Variants in SEC22B observed in about 807,000 individuals in gnomAD.
SEC22B encodes vesicle-trafficking protein SEC22b.
A neutral mutation model predicts 31.4 loss-of-function variants in SEC22B; 10 were observed. The ratio of observed to expected loss-of-function variants is 0.32; its 90% CI spans 0.20 to 0.54. SEC22B has a LOEUF of 0.54. Ranked by LOEUF, SEC22B falls within the 20% of genes least tolerant of loss-of-function variation. The pLI is 0.94. For synonymous variants in SEC22B, 60 were observed against 95.9 expected, an observed-to-expected ratio of 0.63 and a Z score of 2.19; for missense variants, 130 against 263.4, an observed-to-expected ratio of 0.49 and a Z score of 3.50.
intron 2 of SEC22B, among the ~76,000 whole-genome samples, chr1:120,165,802 G>A (rs2101129927): frequency 6.6e-6 from 1 of 151,388 alleles, no homozygotes; most frequent in East Asian, 1.9e-4. Context: ...TTTTCTTCTA[G>A]TAGTTTTATA....
At position 120,163,561 on chromosome 1, in the gene SEC22B, G is replaced by A. The variant is rs1159581109; in HGVS notation, c.186-191C>T. Reference sequence around the variant, plus strand: ...GAAAGCAAACATCTTCCCATTATTAGATGTATATTCTTTTTTTTTTCTTTT... The same window carrying A: ...GAAAGCAAACATCTTCCCATTATTAAATGTATATTCTTTTTTTTTTCTTTT... On this transcript the variant is annotated intron_variant, in intron 2 of 4. Coordinates refer to ENST00000578049, the MANE Select transcript of SEC22B (RefSeq NM_004892.6). 1.7e-5 allele frequency among the ~76,000 whole-genome samples: 2 copies of A among 115,456 alleles called. 1 individual carries two copies. The highest frequency in any genetic ancestry group is 1.5e-4 in the Admixed American group (2 of 13,028). The allele number at this position is 115,456 out of a possible 152,430, so 75.7% of individuals were successfully genotyped here. A position where few individuals can be genotyped will look rare whatever the true frequency, so the allele number is the denominator to read the frequency against.
At chr1:120,163,950 T>TC (rs1431916649) in intron 2 of SEC22B, among the ~76,000 whole-genome samples, 14 of 130,486 alleles carry the variant, frequency 1.1e-4, no homozygotes, top group Admixed American at 4.3e-4. Flanking sequence ...ATTCTCTTTT[T>TC]TTTTTTTTTT....
At position 120,160,615 on chromosome 1, in the gene SEC22B, C is replaced by T. The variant is rs1380874547; in HGVS notation, c.347-85G>A. The T allele has an allele frequency of 2.5e-5, 31 of 1,240,322 alleles. No individual in the cohort carries two copies. The East Asian group carries it at 2.7e-4, about 11-fold the overall frequency. 76.8% of individuals were successfully genotyped at this position (1,240,322 alleles called of 1,614,324 possible). ...GATTAAAAGTTCTGAGTTGGCCAGG[C>T]GCGGTGGCTCACACCTGTAATCCCA... On this transcript the variant is annotated intron_variant, in intron 3 of 4. Transcript: ENST00000578049.
At chr1:120,165,746 C>G (rs1246052922) in intron 2 of SEC22B, among the ~76,000 whole-genome samples, 5 of 151,990 alleles carry the variant, frequency 3.3e-5, no homozygotes, top group African/African-American at 1.2e-4. Context: ...AAGTCTTTGC[C>G]ATAAAGTCTT....
intron 1 of SEC22B, 135 bp downstream of exon 1, chr1:120,176,172 T>C: frequency 1.4e-6 from 1 of 720,364 alleles, no homozygotes; most frequent in Non-Finnish European, 2.3e-6. Flanking sequence ...CACCAAAAGA[T>C]AAAAGCGCAC....
At position 120,170,951 on chromosome 1, in the gene SEC22B, A is replaced by AAAATTAATTTATTAAATTTAATTTAATT. The variant is rs1657886430; in HGVS notation, c.76-2030_76-2003dup. 5.6e-5 allele frequency among the ~76,000 whole-genome samples: 7 copies of AAAATTAATTTATTAAATTTAATTTAATT among 125,466 alleles called. 2 individuals carry two copies. The highest frequency in any genetic ancestry group is 2.4e-4 in the African/African-American group (5 of 21,224). The allele number at this position is 125,466 out of a possible 152,430, so 82.3% of individuals were successfully genotyped here. ...AGCATGCAAATTTCTTTAATTTAAT[A>AAAATTAATTTATTAAATTTAATTTAATT]AAATTAATTTATTAAATTTAATTTA... On this transcript the variant is annotated intron_variant, in intron 1 of 4. Coordinates refer to ENST00000578049, the MANE Select transcript of SEC22B (RefSeq NM_004892.6).
intron 2 of SEC22B, among the ~76,000 whole-genome samples, chr1:120,168,308 C>T (rs1196115958): frequency 0.22 from 32,645 of 147,488 alleles, 6,026 homozygotes; most frequent in African/African-American, 0.52. Context: ...TCAGCTGTAT[C>T]ATTTATAACC....
intron 4 of SEC22B, among the ~76,000 whole-genome samples, chr1:120,160,159 T>G (rs1474254913): frequency 6.7e-6 from 1 of 148,630 alleles, no homozygotes; most frequent in Admixed American, 6.7e-5. Context: ...GAAATAATCA[T>G]TGCTTCTAAT....
At chr1:120,165,669 C>T (rs1419934122) in intron 2 of SEC22B, among the ~76,000 whole-genome samples, 1 of 151,920 alleles carries the variant, frequency 6.6e-6, no homozygotes, top group Non-Finnish European at 1.5e-5. Context: ...GTTTCCTTTG[C>T]TGTGCAGAAG....
At chr1:120,168,780 C>G in intron 2 of SEC22B, 60 bp downstream of exon 2, 1 of 561,806 alleles carries the variant, frequency 1.8e-6, no homozygotes, top group South Asian at 6.6e-5. Context: ...TATTTTTTAT[C>G]AGGCATTCTG....
intron 3 of SEC22B, among the ~76,000 whole-genome samples, chr1:120,161,342 A>C (rs1179099816): frequency 1.3e-5 from 2 of 152,082 alleles, no homozygotes; most frequent in Admixed American, 1.3e-4. Context: ...CCATTCTTAA[A>C]CCTCAGGTAA....
intron 2 of SEC22B, among the ~76,000 whole-genome samples, chr1:120,167,708 A>G (rs1288528962): frequency 3.3e-5 from 5 of 151,972 alleles, no homozygotes; most frequent in African/African-American, 1.2e-4. Context: ...AGGACTCAAT[A>G]TAAGGTCTGG....
intron 4 of SEC22B, chr1:120,159,233 G>C (rs1197624056): frequency 1.3e-5 from 2 of 150,436 alleles, no homozygotes; most frequent in Non-Finnish European, 3.0e-5. Context: ...TTTGTGACCA[G>C]CCGGAACAAC....
rs1553228629 is a variant in SEC22B at position 120,151,009 on chromosome 1, T to G, written c.*6029A>C. 2 of 152,222 alleles carry G rather than the reference T, an allele frequency of 1.3e-5. No individual in the cohort carries two copies. The highest frequency in any genetic ancestry group is 2.9e-5 in the Non-Finnish European group (2 of 68,044). 9.4% of individuals were successfully genotyped at this position (152,222 alleles called of 1,614,324 possible). On this transcript the variant is annotated 3_prime_UTR_variant, in exon 5 of 5. Transcript: ENST00000578049. ...CAGTCTCAGTGTCAAGAGAAAGATG[T>G]TAATCCATCTTAGCAACCTAATTAC...
chr1:120,166,741 G>A (rs1657818368), intron 2 of SEC22B, among the ~76,000 whole-genome samples: 2 of 149,480 alleles, frequency 1.3e-5, no homozygotes. Context: ...GGGTGAATAT[G>A]GCTAGCTATA....
Position 120,168,707 on chromosome 1 carries a change from C to T in SEC22B, c.185+133G>A, listed in dbSNP as rs1164812280. On this transcript the variant is annotated intron_variant, in intron 2 of 4. Coordinates refer to ENST00000578049, the MANE Select transcript of SEC22B (RefSeq NM_004892.6). ...AGATGTCCATTTTGTAGAATTAGAGCCAGAGAAGTTGCTCCTCCCAAAAGA... is the reference window on the plus strand; with the variant it reads ...AGATGTCCATTTTGTAGAATTAGAGTCAGAGAAGTTGCTCCTCCCAAAAGA... 357 of 333,496 alleles carry T rather than the reference C, an allele frequency of 1.1e-3. 2 individuals are homozygous for T. Among genetic ancestry groups the T allele is most frequent in the Middle Eastern group, 4.0e-3 (5 of 1,248 alleles). 20.7% of individuals were successfully genotyped at this position (333,496 alleles called of 1,614,324 possible).
intron 1 of SEC22B, among the ~76,000 whole-genome samples, chr1:120,175,611 T>C (rs1657945243): frequency 6.6e-6 from 1 of 152,258 alleles, no homozygotes; most frequent in Admixed American, 6.5e-5. Flanking sequence ...GTGCTGTTTT[T>C]AATCAATTCA....
chr1:120,174,326 G>A (rs1476612475), intron 1 of SEC22B, among the ~76,000 whole-genome samples: 1 of 152,302 alleles, frequency 6.6e-6, no homozygotes, highest in Non-Finnish European at 1.5e-5. Context: ...TAAATGTTCT[G>A]TATACTATTA....
In SEC22B at chr1:120,161,263, A is replaced by G. The variant is rs1237281556; in HGVS notation, c.347-733T>C. 1.2e-4 allele frequency among the ~76,000 whole-genome samples: 19 copies of G among 152,334 alleles called. 1 individual carries two copies. In the East Asian group the frequency reaches 3.7e-3, roughly 29 times the overall value. ...AGCATTATTACAGCCTAACATGGCAAAAGGGTTCATGATCATTAAAAAGCT... is the reference window on the plus strand; with the variant it reads ...AGCATTATTACAGCCTAACATGGCAGAAGGGTTCATGATCATTAAAAAGCT... On this transcript the variant is annotated intron_variant, in intron 3 of 4. Coordinates refer to ENST00000578049, the MANE Select transcript of SEC22B (RefSeq NM_004892.6).
Sources: allele counts gnomAD v4.1 joint callset (sites outside exome capture counted in the v4.1 genomes callset), GRCh38; gene constraint gnomAD v4.1.1; transcripts MANE v1.5; gene names NCBI Gene and HGNC (gene_info 2026-07-23, HGNC 2026-07-21).